Variants in TAP2 observed in about 807,000 individuals in gnomAD.
TAP2 encodes transporter 2, ATP binding cassette subfamily B member.
Under a neutral mutation model 74.7 loss-of-function variants are expected in TAP2, and 49 were observed. The ratio of observed to expected loss-of-function variants is 0.66; its 90% CI spans 0.52 to 0.83. The LOEUF is 0.83. Among genes scored for constraint, TAP2 ranks in the 40% least tolerant of loss-of-function variants. The pLI is 0.00. For synonymous variants in TAP2, 306 were observed against 368.4 expected, an observed-to-expected ratio of 0.83 and a Z score of 1.94; for missense variants, 739 against 859.0, an observed-to-expected ratio of 0.86 and a Z score of 1.75.
chr6:32,829,336 A>T (rs1236787159), intron 11 of TAP2, 64 bp downstream of exon 11: 7 of 1,554,022 alleles, frequency 4.5e-6, no homozygotes, highest in Non-Finnish European at 6.1e-6. Flanking sequence ...AATTCTGCAC[A>T]GTCTGATCCT....
intron 5 of TAP2, among the ~76,000 whole-genome samples, chr6:32,834,752 ACTT>A (rs1353854310): frequency 2.0e-5 from 3 of 152,296 alleles, no homozygotes; most frequent in East Asian, 1.9e-4. Context: ...CTGCATCCAG[ACTT>A]CTTCTGCTGA....
chr6:32,822,330 A>C, downstream of TAP2: 4 of 1,496,608 alleles, frequency 2.7e-6, no homozygotes, highest in Non-Finnish European at 3.6e-6. Flanking sequence ...TAGAAAAAAA[A>C]AACAAAAAAA....
chr6:32,827,211 G>T lies in TAP2; in HGVS notation c.*1695C>A. 1.0e-6 allele frequency: 1 copy of T among 985,468 alleles called. No individual in the cohort carries two copies. Among genetic ancestry groups the T allele is most frequent in the Non-Finnish European group, 1.2e-6 (1 of 829,926 alleles). The allele number at this position is 985,468 out of a possible 1,614,324, so 61.0% of individuals were successfully genotyped here. ...GGAATATGAAGGTTTCTCTTTCCTA[G>T]AATAGCAACTTTCCAAGGTAAGTCC... On this transcript the variant is annotated 3_prime_UTR_variant, in exon 12 of 12. Coordinates refer to ENST00000374897, the MANE Select transcript of TAP2 (RefSeq NM_001290043.2).
chr6:32,826,888 T>C lies in TAP2; in HGVS notation c.*2018A>G. 1 of 985,286 alleles carries C rather than the reference T, an allele frequency of 1.0e-6. No individual in the cohort carries two copies. The highest frequency in any genetic ancestry group is 1.2e-6 in the Non-Finnish European group (1 of 829,806). 61.0% of individuals were successfully genotyped at this position (985,286 alleles called of 1,614,324 possible). A position where few individuals can be genotyped will look rare whatever the true frequency, so the allele number is the denominator to read the frequency against. Reference sequence around the variant, plus strand: ...CTGCAGCTTCCATGTAGTTGGGAGATACAGGAATTATTATTCCTGTTTTAT... The same window carrying C: ...CTGCAGCTTCCATGTAGTTGGGAGACACAGGAATTATTATTCCTGTTTTAT... On this transcript the variant is annotated 3_prime_UTR_variant, in exon 12 of 12. Coordinates refer to ENST00000374897, the MANE Select transcript of TAP2 (RefSeq NM_001290043.2).
intron 8 of TAP2, 60 bp downstream of exon 8, chr6:32,830,558 G>T: frequency 6.2e-7 from 1 of 1,608,544 alleles, no homozygotes; most frequent in Non-Finnish European, 8.5e-7. Context: ...AGGCTGTGAT[G>T]TCCAATTATG....
Position 32,826,713 on chromosome 6 carries a change from T to C in TAP2, c.*2193A>G. On this transcript the variant is annotated 3_prime_UTR_variant, in exon 12 of 12. Coordinates refer to ENST00000374897, the MANE Select transcript of TAP2 (RefSeq NM_001290043.2). ...TCCACCCAGCTTTATCATGATTAGC[T>C]GCGTGATTTCATGTCAGTTTCTCTG... is the stretch of plus-strand genomic sequence containing the variant. 1.0e-6 allele frequency: 1 copy of C among 985,424 alleles called. No homozygotes were observed. The highest frequency in any genetic ancestry group is 1.2e-6 in the Non-Finnish European group (1 of 829,928). 61.0% of individuals were successfully genotyped at this position (985,424 alleles called of 1,614,324 possible).
chr6:32,824,874 G>C (rs1346814058), downstream of TAP2, among the ~76,000 whole-genome samples: 3 of 151,894 alleles, frequency 2.0e-5, no homozygotes, highest in African/African-American at 7.2e-5. Context: ...AAATTTAATA[G>C]TCATTTTTAT....
rs1242063152 is a variant in TAP2, at chr6:32,827,308, G to T, written c.*1598C>A. 20 of 985,300 alleles carry T rather than the reference G, an allele frequency of 2.0e-5. No individual in the cohort carries two copies. The highest frequency in any genetic ancestry group is 2.4e-5 in the Non-Finnish European group (20 of 829,924). The allele number at this position is 985,300 out of a possible 1,614,324, so 61.0% of individuals were successfully genotyped here. On this transcript the variant is annotated 3_prime_UTR_variant, in exon 12 of 12. Coordinates refer to ENST00000374897, the MANE Select transcript of TAP2 (RefSeq NM_001290043.2). ...GAGTGGGCAGGGAGGATTAAGATTA[G>T]TACGATGGTGGAGATATTTATTCAT...
chr6:32,829,035 C>A lies in TAP2; in HGVS notation c.1933-1G>T. The stretch of plus-strand genomic sequence containing the variant: ...CCCCACGGGAATTCCAGTCCTGCAG[C>A]TGAAGGGGTGATCACAGTGCCTCAG... On this transcript the variant is annotated splice_acceptor_variant, in intron 11 of 11. Transcript: ENST00000374897. LOFTEE classifies it high-confidence loss of function. 6.5e-7 allele frequency: 1 copy of A among 1,546,744 alleles called. No homozygotes were observed.
At position 32,835,041 on chromosome 6, in the gene TAP2, A is replaced by G; in HGVS notation, c.945+113T>C. 1 of 1,107,590 alleles carries G rather than the reference A, an allele frequency of 9.0e-7. No individual in the cohort carries two copies. Among genetic ancestry groups the G allele is most frequent in the Middle Eastern group, 2.8e-4 (1 of 3,542 alleles). The allele number at this position is 1,107,590 out of a possible 1,614,324, so 68.6% of individuals were successfully genotyped here. On this transcript the variant is annotated intron_variant, in intron 5 of 11. Coordinates refer to ENST00000374897, the MANE Select transcript of TAP2 (RefSeq NM_001290043.2). The surrounding 1 kb of genome is among the most constrained non-coding windows in gnomAD (Gnocchi z 4.0). ...TATACTACAATATACCTTCTCCCCT[A>G]ATGGCTGAGAAGAGAACATCTCTCT...
At chr6:32,829,355 GC>G in intron 11 of TAP2, 44 bp downstream of exon 11, 1 of 1,563,770 alleles carries the variant, frequency 6.4e-7, no homozygotes, top group Middle Eastern at 1.9e-4. Context: ...CTCCCAGCAT[GC>G]CCCTCCCAGG....
chr6:32,830,832 G>C lies in TAP2; in HGVS notation c.1273-26C>G, dbSNP rs145928073. ...CTGGAAAACAGGAATGGGAGAGCCG[G>C]CTAATTAAACACACTTCTACCAGAA... is the stretch of plus-strand genomic sequence containing the variant. On this transcript the variant is annotated intron_variant, in intron 7 of 11. Transcript: ENST00000374897. 5,439 of 1,586,292 alleles carry C rather than the reference G, an allele frequency of 3.4e-3. 64 individuals carry two copies. The highest frequency in any genetic ancestry group is 0.029 in the African/African-American group (2,140 of 74,448).
chr6:32,831,897 T>C (rs1172762528), intron 7 of TAP2, among the ~76,000 whole-genome samples: 1 of 152,226 alleles, frequency 6.6e-6, no homozygotes. Flanking sequence ...ATACCACAAG[T>C]GGAAATTTGA....
rs9282316 is a variant in TAP2, at chr6:32,838,465, T to TAAAA, written c.-5+184_-5+187dup. Among the ~76,000 whole-genome samples, 95 of 136,054 alleles carry TAAAA rather than the reference T, an allele frequency of 7.0e-4. 1 individual carries two copies. The highest frequency in any genetic ancestry group is 2.1e-3 in the African/African-American group (76 of 35,696). The allele number at this position is 136,054 out of a possible 152,430, so 89.3% of individuals were successfully genotyped here. ...GCATGACCATCAGGAGCCTCGTGCTTAAAAAAAAAAAAAAAAAATCCCCGG... is the reference window on the plus strand; with the variant it reads ...GCATGACCATCAGGAGCCTCGTGCTTAAAAAAAAAAAAAAAAAAAAAATCCCCGG... On this transcript the variant is annotated intron_variant, in intron 1 of 11. Coordinates refer to ENST00000374897, the MANE Select transcript of TAP2 (RefSeq NM_001290043.2).
downstream of TAP2, chr6:32,822,443 T>C: frequency 1.5e-6 from 1 of 676,150 alleles, no homozygotes; most frequent in East Asian, 2.8e-5. Context: ...TCATCTACAA[T>C]TTTTATATTT....
In TAP2 at chr6:32,826,609, A is replaced by G; in HGVS notation, c.*2297T>C. The stretch of plus-strand genomic sequence containing the variant: ...GTCCCTGACATAAAGCCTACCTGGG[A>G]GTTTCCCCTGAGATAAGAAACTTTC... On this transcript the variant is annotated 3_prime_UTR_variant, in exon 12 of 12. Coordinates refer to ENST00000374897, the MANE Select transcript of TAP2 (RefSeq NM_001290043.2). The G allele has an allele frequency of 1.0e-6, 1 of 985,384 alleles. No homozygotes were observed. The highest frequency in any genetic ancestry group is 1.2e-6 in the Non-Finnish European group (1 of 829,930). 61.0% of individuals were successfully genotyped at this position (985,384 alleles called of 1,614,324 possible). A position where few individuals can be genotyped will look rare whatever the true frequency, so the allele number is the denominator to read the frequency against.
rs61736923 is a variant in TAP2 at position 32,835,282 on chromosome 6, G to A, written c.817C>T (p.Arg273Ter). Residue 273 changes from arginine (R) to a stop codon, truncating the protein, a stop_gained, in exon 5 of 12, where the codon CGA becomes TGA. Transcript: ENST00000374897. LOFTEE classifies it high-confidence loss of function. This position sits in a 1 kb window ranked among gnomAD's most constrained non-coding sequence, Gnocchi z 4.0. ...WLPLNANVLL[R>*]SLVKVVGLYG... Reference sequence around the variant, plus strand: ...AGCCCCACCACTTTCACCAGGCTTCGCAAGAGCACATTGGCATTTAAAGGA... The same window carrying A: ...AGCCCCACCACTTTCACCAGGCTTCACAAGAGCACATTGGCATTTAAAGGA... 3.7e-6 allele frequency: 6 copies of A among 1,613,082 alleles called. No individual in the cohort carries two copies. Among genetic ancestry groups the A allele is most frequent in the Admixed American group, 1.7e-5 (1 of 60,026 alleles).
Position 32,830,625 on chromosome 6 carries a change from A to T in TAP2, c.1454T>A (p.Val485Glu). The change falls in exon 8 of 12, where the codon GTG (valine) becomes GAG (glutamate). Residue 485 changes from valine (V) to glutamate (E), a missense_variant. Transcript: ENST00000374897. The part of the protein sequence containing the change: ...FAYPNRPDRP[V>E]LKGLTFTLRP... ...CCTCCCTCTTTCAGGCACCTTGAGC[A>T]CAGGCCTGTCAGGGCGATTGGGATA... The T allele has an allele frequency of 6.2e-7, 1 of 1,613,072 alleles. No homozygotes were observed. Among genetic ancestry groups the T allele is most frequent in the Non-Finnish European group, 8.5e-7 (1 of 1,180,028 alleles).
intron 9 of TAP2, 49 bp from the exon 10 acceptor site, chr6:32,830,138 A>G: frequency 1.2e-6 from 2 of 1,612,872 alleles, no homozygotes; most frequent in Non-Finnish European, 1.7e-6. Context: ...CCCCCAAGGC[A>G]GGGGCCCTTT....
Sources: allele counts gnomAD v4.1 joint callset (sites outside exome capture counted in the v4.1 genomes callset), GRCh38; gene constraint gnomAD v4.1.1; non-coding constraint Gnocchi (gnomAD v3.1); transcripts MANE v1.5; gene names NCBI Gene and HGNC (gene_info 2026-07-23, HGNC 2026-07-21).